Variants in ABI3BP observed in about 807,000 individuals in gnomAD.
ABI3BP encodes the protein target of Nesh-SH3.
In ABI3BP, 216 loss-of-function variants were observed where a neutral mutation model predicts 268.6. The ratio of observed to expected loss-of-function variants is 0.80; its 90% CI spans 0.72 to 0.90. The LOEUF is 0.90. Ranked by LOEUF, ABI3BP falls within the 40% of genes least tolerant of loss-of-function variation. ABI3BP has a pLI of 0.00. For missense variants in ABI3BP, 2,090 were observed against 2,182.4 expected (o/e 0.96, Z 0.84); for synonymous variants, 730 against 730.0 (o/e 1.00, Z 0.00).
chr3:100,804,986 A>G lies in ABI3BP; in HGVS notation c.3683-120T>C, dbSNP rs143475033. ...GATAAAACAAAGCATTAGAGAGAAG[A>G]CAGAAGAAGGAGTTAGAAAGAAGAC... On this transcript the variant is annotated intron_variant, in intron 50 of 67. Coordinates refer to ENST00000471714, the MANE Select transcript of ABI3BP (RefSeq NM_001375547.2). The G allele has an allele frequency of 7.9e-4, 624 of 786,906 alleles. 3 individuals carry two copies. In the East Asian group the frequency reaches 0.013, roughly 17 times the overall value. The allele number at this position is 786,906 out of a possible 1,614,324, so 48.7% of individuals were successfully genotyped here. A position where few individuals can be genotyped will look rare whatever the true frequency, so the allele number is the denominator to read the frequency against.
chr3:100,817,535 T>G (rs1169574444), intron 41 of ABI3BP, 40 bp from the exon 42 acceptor site: 1 of 1,332,734 alleles, frequency 7.5e-7, no homozygotes, highest in South Asian at 1.5e-5. Context: ...AGATTTAACT[T>G]GAATATTAAT....
intron 4 of ABI3BP, among the ~76,000 whole-genome samples, chr3:100,889,041 A>G (rs1348491771): frequency 6.6e-6 from 1 of 152,076 alleles, no homozygotes; most frequent in Non-Finnish European, 1.5e-5. Flanking sequence ...CCAATTATTC[A>G]ATTCCAAAGA....
chr3:100,915,668 G>A (rs542930207), intron 2 of ABI3BP, among the ~76,000 whole-genome samples: 9 of 152,232 alleles, frequency 5.9e-5, no homozygotes, highest in South Asian at 2.1e-4. Context: ...AAAATAAAAC[G>A]GAAAGATAAG....
chr3:100,820,448 A>T (rs927194111), intron 39 of ABI3BP, 145 bp from the exon 40 acceptor site: 319 of 503,476 alleles, frequency 6.3e-4, no homozygotes, highest in Non-Finnish European at 9.8e-4. Flanking sequence ...AATTAGAAAC[A>T]TTCACTATTA....
intron 61 of ABI3BP, 108 bp from the exon 62 acceptor site, chr3:100,771,060 G>T: frequency 9.7e-7 from 1 of 1,032,876 alleles, no homozygotes; most frequent in Non-Finnish European, 1.3e-6. Context: ...ATTATAAGCG[G>T]ATGGTTGAAA....
In ABI3BP at chr3:100,769,856, G is replaced by A. The variant is rs115396606; in HGVS notation, c.4741+887C>T. Reference sequence around the variant, plus strand: ...TCACAAAACGTGGTAAAGAAAGCTAGTTAAGATAAGCCGCTTACACTGGAA... The same window carrying A: ...TCACAAAACGTGGTAAAGAAAGCTAATTAAGATAAGCCGCTTACACTGGAA... On this transcript the variant is annotated intron_variant, in intron 62 of 67. Coordinates refer to ENST00000471714, the MANE Select transcript of ABI3BP (RefSeq NM_001375547.2). 3.4e-3 allele frequency among the ~76,000 whole-genome samples: 519 copies of A among 152,334 alleles called. 5 individuals are homozygous for A. Among genetic ancestry groups the A allele is most frequent in the Non-Finnish European group, 5.0e-3 (338 of 68,038 alleles).
chr3:100,870,774 A>G (rs977742065), intron 9 of ABI3BP, among the ~76,000 whole-genome samples: 2 of 152,252 alleles, frequency 1.3e-5, no homozygotes, highest in African/African-American at 4.8e-5. Flanking sequence ...TGTTCACAAC[A>G]ACCAAGATAT....
At chr3:100,871,223 G>C (rs143001209) in intron 9 of ABI3BP, among the ~76,000 whole-genome samples, 2 of 152,202 alleles carry the variant, frequency 1.3e-5, no homozygotes, top group African/African-American at 4.8e-5. Flanking sequence ...ATGTTAATTT[G>C]CTTGAATATA....
At chr3:100,796,113 G>GT (rs1458646807) in intron 52 of ABI3BP, among the ~76,000 whole-genome samples, 1 of 151,942 alleles carries the variant, frequency 6.6e-6, no homozygotes, top group East Asian at 1.9e-4. Context: ...TACATCCATA[G>GT]TTGTAATGTA....
intron 56 of ABI3BP, 143 bp from the exon 57 acceptor site, chr3:100,787,945 A>T (rs2097099083): frequency 4.0e-6 from 2 of 504,692 alleles, no homozygotes. Context: ...TATAGAAACC[A>T]CAGTCTCGTA....
At chr3:100,932,269 G>C (rs757795074) in intron 1 of ABI3BP, among the ~76,000 whole-genome samples, 4 of 151,870 alleles carry the variant, frequency 2.6e-5, no homozygotes, top group Admixed American at 2.0e-4. Flanking sequence ...AATCTAGGGC[G>C]TATCATTCTG....
At chr3:100,807,721 G>A (rs752040854) in intron 50 of ABI3BP, among the ~76,000 whole-genome samples, 15 of 152,040 alleles carry the variant, frequency 9.9e-5, no homozygotes, top group Non-Finnish European at 7.4e-5. Flanking sequence ...ATTAGTGGTC[G>A]CGAAGCTTCC....
At position 100,830,728 on chromosome 3, in the gene ABI3BP, C is replaced by T. The variant is rs578212582; in HGVS notation, c.2402-94G>A. 1.8e-4 allele frequency: 184 copies of T among 1,011,278 alleles called. 1 individual carries two copies. In the South Asian group the frequency reaches 3.0e-3, roughly 16 times the overall value. 62.6% of individuals were successfully genotyped at this position (1,011,278 alleles called of 1,614,324 possible). ...ACCACCAAAAATCGGATTTCTAAGG[C>T]TGCAAAATTAATTCTTAATATCATA... On this transcript the variant is annotated intron_variant, in intron 31 of 67. Transcript: ENST00000471714.
chr3:100,856,759 G>C (rs905317222), intron 14 of ABI3BP, among the ~76,000 whole-genome samples: 2 of 152,102 alleles, frequency 1.3e-5, no homozygotes, highest in African/African-American at 4.8e-5. Context: ...GAAACAAAAA[G>C]CTCATTTCCA....
chr3:100,835,392 CAG>C (rs1176042001), intron 28 of ABI3BP, among the ~76,000 whole-genome samples: 1 of 152,148 alleles, frequency 6.6e-6, no homozygotes, highest in African/African-American at 2.4e-5. Context: ...AAATGGGACA[CAG>C]ATGCTGTTCA....
chr3:100,822,470 A>G, intron 38 of ABI3BP, 119 bp downstream of exon 38: 1 of 799,100 alleles, frequency 1.3e-6, no homozygotes, highest in South Asian at 1.8e-5. Flanking sequence ...GCTGCTAACC[A>G]TGAGTTGTAG....
chr3:100,828,512 G>T, intron 33 of ABI3BP, 60 bp from the exon 34 acceptor site: 1 of 1,422,604 alleles, frequency 7.0e-7, no homozygotes, highest in Non-Finnish European at 9.5e-7. Flanking sequence ...TAAAAACTCA[G>T]AACATTCAAA....
intron 31 of ABI3BP, among the ~76,000 whole-genome samples, chr3:100,831,021 A>G (rs1204377624): frequency 6.6e-6 from 1 of 152,212 alleles, no homozygotes; most frequent in Non-Finnish European, 1.5e-5. Context: ...TATAAGCAGT[A>G]ATCAATAATG....
At chr3:100,839,748 T>TC in intron 23 of ABI3BP, 132 bp from the exon 24 acceptor site, 1 of 994,442 alleles carries the variant, frequency 1.0e-6, no homozygotes, top group East Asian at 2.6e-5. Context: ...CTTTTACAGT[T>TC]CCCATTTTCC....
Sources: gnomAD v4.1 joint callset for allele counts (sites outside exome capture counted in the v4.1 genomes callset) on GRCh38, gnomAD v4.1.1 for gene constraint, MANE v1.5 for transcripts, NCBI Gene and HGNC (gene_info 2026-07-23, HGNC 2026-07-21) for gene names.